HDAC7: variants seen among roughly 807,000 people sequenced by gnomAD.
HDAC7 encodes histone deacetylase 7, also known as histone deacetylase 7A.
In HDAC7, 26 loss-of-function variants were observed where a neutral mutation model predicts 115.5. That is an observed-to-expected ratio of 0.23 (90% CI 0.16 to 0.31). The LOEUF is 0.31. HDAC7 is among the 10% of genes least tolerant of loss of function. The probability of loss-of-function intolerance (pLI) is 1.00; values close to 1 mark genes in which losing one functional copy is unlikely to be tolerated. For missense variants in HDAC7, 1,068 were observed against 1,329.0 expected (o/e 0.80, Z 3.05); for synonymous variants, 564 against 550.9 (o/e 1.02, Z -0.33).
At chr12:47,818,742 A>C (rs1471201153) in intron 1 of HDAC7, among the ~76,000 whole-genome samples, 2 of 152,234 alleles carry the variant, frequency 1.3e-5, no homozygotes, top group African/African-American at 2.4e-5. Flanking sequence ...GGGAGTGGGC[A>C]GGGAGCGTTG....
Position 47,795,921 on chromosome 12 carries a change from C to T in HDAC7, c.891G>A (p.Leu297=). The change falls in exon 9 of 26, where the codon CTG becomes CTA. Residue 297 remains leucine (L), a synonymous_variant. Transcript: ENST00000080059. The surrounding 1 kb of genome is among the most constrained non-coding windows in gnomAD (Gnocchi z 4.3). ...AGCCACTCACCCTGGCAGGGGCGGGCAGCCCCAGAGTGATTGCGGGCAGCA... is the reference window on the plus strand; with the variant it reads ...AGCCACTCACCCTGGCAGGGGCGGGTAGCCCCAGAGTGATTGCGGGCAGCA... ...VSLLPAITLG[L]PAPARADSDR... is the part of the protein sequence containing the mutation. The T allele has an allele frequency of 6.5e-7, 1 of 1,550,030 alleles. No homozygotes were observed. Among genetic ancestry groups the T allele is most frequent in the Non-Finnish European group, 8.7e-7 (1 of 1,147,634 alleles).
chr12:47,797,775 G>C lies in HDAC7; in HGVS notation c.462-276C>G, dbSNP rs943379199. Among the ~76,000 whole-genome samples the C allele has an allele frequency of 3.9e-5, 6 of 152,184 alleles. No individual in the cohort carries two copies. The highest frequency in any genetic ancestry group is 1.4e-4 in the African/African-American group (6 of 41,510). On this transcript the variant is annotated intron_variant, in intron 5 of 25. Transcript: ENST00000080059. This position sits in a 1 kb window ranked among gnomAD's most constrained non-coding sequence, Gnocchi z 5.5. ...GCTCTGTCACCTGCACTAGGAACCT[G>C]CTCTGGGAACCAGGACATTTTTGCG...
intron 2 of HDAC7, among the ~76,000 whole-genome samples, chr12:47,799,718 C>G (rs1944070251): frequency 2.6e-5 from 4 of 152,236 alleles, no homozygotes. Flanking sequence ...TCTGCACCCA[C>G]ACTAGGAGCA....
intron 14 of HDAC7, 75 bp downstream of exon 14, chr12:47,791,796 C>A: frequency 6.4e-7 from 1 of 1,568,376 alleles, no homozygotes; most frequent in South Asian, 1.1e-5. Flanking sequence ...CTCATGGGCC[C>A]CAGGGCCCCC....
Position 47,790,121 on chromosome 12 carries a change from C to G in HDAC7, c.1984-201G>C, listed in dbSNP as rs1276435889. 5.1e-6 allele frequency: 3 copies of G among 587,840 alleles called. No homozygotes were observed. The South Asian group carries it at 5.9e-5, about 12-fold the overall frequency. The allele number at this position is 587,840 out of a possible 1,614,324, so 36.4% of individuals were successfully genotyped here. Reference sequence around the variant, plus strand: ...AGCATGACTTTTTCCCAGCTTAAGTCCCAGCACCAGCCCATTATCTGGCCA... The same window carrying G: ...AGCATGACTTTTTCCCAGCTTAAGTGCCAGCACCAGCCCATTATCTGGCCA... On this transcript the variant is annotated intron_variant, in intron 16 of 25. Transcript: ENST00000080059.
At chr12:47,791,505 G>A (rs1288766573) in intron 15 of HDAC7, 81 bp downstream of exon 15, 6 of 1,519,316 alleles carry the variant, frequency 3.9e-6, no homozygotes, top group Non-Finnish European at 5.3e-6. Flanking sequence ...AGGCTGGCTG[G>A]GCGGGCAGAG....
intron 2 of HDAC7, among the ~76,000 whole-genome samples, chr12:47,800,999 T>C (rs1419913224): frequency 6.6e-6 from 1 of 152,246 alleles, no homozygotes; most frequent in African/African-American, 2.4e-5. Flanking sequence ...CTGTCACAAA[T>C]CCACATCTCT....
chr12:47,787,992 G>A (rs1943264673), intron 20 of HDAC7, 53 bp downstream of exon 20: 1 of 1,593,964 alleles, frequency 6.3e-7, no homozygotes, highest in Non-Finnish European at 8.6e-7. Context: ...GGCAGAGTAA[G>A]TGTCAGGAGG....
Position 47,803,326 on chromosome 12 carries a change from C to T in HDAC7, c.20-1052G>A, listed in dbSNP as rs2137015970. Among the ~76,000 whole-genome samples the T allele has an allele frequency of 6.6e-6, 1 of 152,270 alleles. No homozygotes were observed. Among genetic ancestry groups the T allele is most frequent in the African/African-American group, 2.4e-5 (1 of 41,550 alleles). ...AGAAGGGATATTTTTTGAGAAACTG[C>T]CGGGGTGCTCCTTTGGGTCTGTGTC... On this transcript the variant is annotated intron_variant, in intron 1 of 25. Coordinates refer to ENST00000080059, the MANE Select transcript of HDAC7 (RefSeq NM_015401.5). This position sits in a 1 kb window ranked among gnomAD's most constrained non-coding sequence, Gnocchi z 4.0.
chr12:47,797,272 C>G lies in HDAC7; in HGVS notation c.577+112G>C. The G allele has an allele frequency of 6.5e-7, 1 of 1,543,628 alleles. No homozygotes were observed. Among genetic ancestry groups the G allele is most frequent in the Non-Finnish European group, 8.9e-7 (1 of 1,125,564 alleles). ...GAACTAGAAAGAAGATCCTAGCCTACCGATGATCTCCTGGCCCAGCCCAGC... is the reference window on the plus strand; with the variant it reads ...GAACTAGAAAGAAGATCCTAGCCTAGCGATGATCTCCTGGCCCAGCCCAGC... On this transcript the variant is annotated intron_variant, in intron 6 of 25. Coordinates refer to ENST00000080059, the MANE Select transcript of HDAC7 (RefSeq NM_015401.5). The surrounding 1 kb of genome is among the most constrained non-coding windows in gnomAD (Gnocchi z 5.5).
chr12:47,811,560 G>A (rs996283365), intron 1 of HDAC7, among the ~76,000 whole-genome samples: 1 of 152,232 alleles, frequency 6.6e-6, no homozygotes, highest in Non-Finnish European at 1.5e-5. Context: ...GATGTGCAGT[G>A]ATCTCTGACT....
At chr12:47,807,586 A>G (rs1399233361) in intron 1 of HDAC7, among the ~76,000 whole-genome samples, 1 of 152,016 alleles carries the variant, frequency 6.6e-6, no homozygotes, top group Admixed American at 6.6e-5. Flanking sequence ...CATTCGCCAC[A>G]GGCCAGCCAG....
chr12:47,820,154 G>A (rs867752364), upstream of HDAC7, among the ~76,000 whole-genome samples: 10 of 151,224 alleles, frequency 6.6e-5, no homozygotes, highest in South Asian at 8.3e-4. The surrounding 1 kb of genome is among the most constrained non-coding windows in gnomAD (Gnocchi z 4.3). Flanking sequence ...CGCCGAACCC[G>A]GAACGCCGGC....
At chr12:47,817,938 C>T (rs1209375720) in intron 1 of HDAC7, 1 of 152,272 alleles carries the variant, frequency 6.6e-6, no homozygotes, top group Non-Finnish European at 1.5e-5. Flanking sequence ...CAAGAGGCCA[C>T]CAAGGACTAA....
chr12:47,816,921 C>T (rs1182736256), intron 1 of HDAC7, among the ~76,000 whole-genome samples: 1 of 152,224 alleles, frequency 6.6e-6, no homozygotes, highest in Admixed American at 6.5e-5. Context: ...AGTCCATGCT[C>T]ACTCAGGCCA....
At chr12:47,785,346 C>T (rs766845571) in intron 24 of HDAC7, 41 bp downstream of exon 24, 2 of 1,537,516 alleles carry the variant, frequency 1.3e-6, no homozygotes, top group South Asian at 2.4e-5. Flanking sequence ...CACCAAGATC[C>T]TTCAGTCTGA....
In HDAC7 at chr12:47,795,649, G is replaced by A. The variant is rs759245288; in HGVS notation, c.1025C>T (p.Pro342Leu). ...GLEPEAGGTL[P>L]SRLQPILLLD... ...GAGGAGAATGGGCTGCAGGCGAGAGGGCAAGGTGCCCCCAGCCTCGGGCTC... is the reference window on the plus strand; with the variant it reads ...GAGGAGAATGGGCTGCAGGCGAGAGAGCAAGGTGCCCCCAGCCTCGGGCTC... Residue 342 changes from proline (P) to leucine (L), a missense_variant, in exon 10 of 26, where the codon CCC (proline) becomes CTC (leucine). Around this residue, in one of 6 missense-constraint regions of HDAC7, gnomAD observed 618 missense variants for 701.5 expected, o/e 0.88. Coordinates refer to ENST00000080059, the MANE Select transcript of HDAC7 (RefSeq NM_015401.5). This position sits in a 1 kb window ranked among gnomAD's most constrained non-coding sequence, Gnocchi z 4.3. The A allele has an allele frequency of 1.5e-5, 23 of 1,554,944 alleles. No homozygotes were observed. Among genetic ancestry groups the A allele is most frequent in the Non-Finnish European group, 1.8e-5 (21 of 1,149,160 alleles).
At chr12:47,794,676 G>T (rs573966881) in intron 12 of HDAC7, 84 bp downstream of exon 12, 9 of 1,363,562 alleles carry the variant, frequency 6.6e-6, no homozygotes, top group East Asian at 2.5e-5. Context: ...CACTGATGTC[G>T]TATCTCCCTC....
At chr12:47,784,726 G>A in intron 24 of HDAC7, 2 of 1,535,516 alleles carry the variant, frequency 1.3e-6, no homozygotes, top group Non-Finnish European at 8.7e-7. Context: ...TGGGTGCCCA[G>A]GCCAGGAGAA....
Sources: gnomAD v4.1 joint callset for allele counts (sites outside exome capture counted in the v4.1 genomes callset) on GRCh38, gnomAD v4.1.1 for gene constraint, gnomAD v4.1.1 regional missense constraint, Gnocchi (gnomAD v3.1) non-coding constraint, MANE v1.5 for transcripts, NCBI Gene and HGNC (gene_info 2026-07-23, HGNC 2026-07-21) for gene names.